The following SOX6 variants were observed in gnomAD, a reference collection of about 807,000 sequenced individuals.
The protein encoded by SOX6 is SRY-box transcription factor 6, also known as transcription factor SOX-6.
A neutral mutation model predicts 97.8 loss-of-function variants in SOX6; 11 were observed. The observed-to-expected ratio is 0.11, with a 90% CI of 0.07 to 0.19. The LOEUF (loss-of-function observed/expected upper bound fraction) is 0.19, where lower values mean the gene tolerates loss of function less well. SOX6 is among the 10% of genes least tolerant of loss of function. SOX6 has a pLI of 1.00. For synonymous variants in SOX6, 360 were observed against 371.4 expected (o/e 0.97, Z 0.35); for missense variants, 810 against 1,039.5 (o/e 0.78, Z 3.04).
At chr11:16,652,643 C>T (rs1381919288) in intron 3 of SOX6, among the ~76,000 whole-genome samples, 2 of 152,116 alleles carry the variant, frequency 1.3e-5, no homozygotes, top group East Asian at 1.9e-4. Context: ...AATCTAAGAC[C>T]TGAAACCCTA....
At chr11:16,415,333 A>C (rs1858904945) in intron 1 of SOX6, among the ~76,000 whole-genome samples, 1 of 152,030 alleles carries the variant, frequency 6.6e-6, no homozygotes, top group Non-Finnish European at 1.5e-5. Flanking sequence ...TGCTTAAAAA[A>C]AAAAAGCTGA....
intron 4 of SOX6, among the ~76,000 whole-genome samples, chr11:16,513,973 G>A (rs1590229088): frequency 6.6e-6 from 1 of 152,082 alleles, no homozygotes; most frequent in African/African-American, 2.4e-5. Flanking sequence ...CACTTTGGGA[G>A]GCCAATGCGG....
intron 4 of SOX6, among the ~76,000 whole-genome samples, chr11:16,525,156 A>C (rs529431536): frequency 4.7e-4 from 71 of 152,322 alleles, no homozygotes; most frequent in African/African-American, 1.6e-3. Context: ...GGAACCAAAA[A>C]AGAGCCCGCA....
chr11:16,394,264 T>C (rs1194999082), intron 1 of SOX6, among the ~76,000 whole-genome samples: 1 of 151,920 alleles, frequency 6.6e-6, no homozygotes, highest in Admixed American at 6.6e-5. Flanking sequence ...TATAAGATAA[T>C]ACATGAAAAA....
At chr11:16,383,963 C>A (rs1857903041) in intron 1 of SOX6, among the ~76,000 whole-genome samples, 1 of 151,836 alleles carries the variant, frequency 6.6e-6, no homozygotes, top group African/African-American at 2.4e-5. Context: ...AATTTGGAGA[C>A]CACTCAATGT....
At chr11:16,400,413 T>C (rs912282287) in intron 1 of SOX6, among the ~76,000 whole-genome samples, 2 of 151,450 alleles carry the variant, frequency 1.3e-5, no homozygotes, top group Non-Finnish European at 3.0e-5. Flanking sequence ...ATGGGAGTTA[T>C]TTTTCACCCA....
At chr11:16,543,349 G>A (rs181587996) in intron 4 of SOX6, among the ~76,000 whole-genome samples, 1 of 151,906 alleles carries the variant, frequency 6.6e-6, no homozygotes, top group African/African-American at 2.4e-5. Flanking sequence ...AATAATATGA[G>A]CTTCTATTGA....
At chr11:16,436,861 T>C (rs759556029) in intron 1 of SOX6, among the ~76,000 whole-genome samples, 1 of 152,136 alleles carries the variant, frequency 6.6e-6, no homozygotes, top group Non-Finnish European at 1.5e-5. Flanking sequence ...ATGTAGCCAC[T>C]CCACTGTGTT....
intron 4 of SOX6, among the ~76,000 whole-genome samples, chr11:16,492,001 A>G (rs1289327341): frequency 1.3e-5 from 2 of 152,182 alleles, no homozygotes; most frequent in South Asian, 2.1e-4. Flanking sequence ...GAAATTACCC[A>G]TATCTTTCAT....
chr11:16,052,268 T>C (rs935956671), intron 10 of SOX6, among the ~76,000 whole-genome samples: 1 of 152,148 alleles, frequency 6.6e-6, no homozygotes, highest in South Asian at 2.1e-4. Context: ...CCTCACAGCC[T>C]GCCCTGGCCT....
chr11:16,581,164 C>T (rs1170443975), intron 4 of SOX6, among the ~76,000 whole-genome samples: 2 of 152,060 alleles, frequency 1.3e-5, no homozygotes, highest in Non-Finnish European at 2.9e-5. Context: ...TATTACAGCA[C>T]TATTTATAAT....
At chr11:16,342,544 G>A (rs1442890641) in intron 1 of SOX6, among the ~76,000 whole-genome samples, 1 of 151,850 alleles carries the variant, frequency 6.6e-6, no homozygotes, top group Non-Finnish European at 1.5e-5. Flanking sequence ...TGATTAAAGG[G>A]TCTAGAAATC....
chr11:16,725,319 T>G (rs1848298714), intron 2 of SOX6, among the ~76,000 whole-genome samples: 1 of 151,780 alleles, frequency 6.6e-6, no homozygotes, highest in South Asian at 2.1e-4. Flanking sequence ...AACCCAGGAG[T>G]TAGACACCGG....
At chr11:16,527,545 A>ATGTGACT (rs1437401334) in intron 4 of SOX6, among the ~76,000 whole-genome samples, 2 of 152,122 alleles carry the variant, frequency 1.3e-5, no homozygotes, top group Non-Finnish European at 2.9e-5. Context: ...ACCCTTTGCC[A>ATGTGACT]TGTGACTTCT....
chr11:16,186,229 G>A (rs996828324), intron 5 of SOX6, among the ~76,000 whole-genome samples: 2 of 152,126 alleles, frequency 1.3e-5, no homozygotes, highest in African/African-American at 4.8e-5. Context: ...ACCATGTGAT[G>A]TATCATCCAA....
chr11:16,461,803 T>G (rs1475561190), intron 1 of SOX6, among the ~76,000 whole-genome samples: 7 of 152,196 alleles, frequency 4.6e-5, no homozygotes, highest in Non-Finnish European at 8.8e-5. Flanking sequence ...CTTCTGTGTA[T>G]CTCCTCTGCA....
intron 1 of SOX6, among the ~76,000 whole-genome samples, chr11:16,406,120 C>T (rs953780251): frequency 2.6e-5 from 4 of 152,060 alleles, no homozygotes; most frequent in African/African-American, 4.8e-5. Context: ...TCTAGAATTC[C>T]GCACAGAGGA....
intron 1 of SOX6, among the ~76,000 whole-genome samples, chr11:16,350,021 T>C (rs1856895894): frequency 6.6e-6 from 1 of 152,110 alleles, no homozygotes; most frequent in South Asian, 2.1e-4. Flanking sequence ...AACACAAAAA[T>C]AGACCAGTTT....
At chr11:16,480,355 T>C (rs1860322854), upstream of SOX6, among the ~76,000 whole-genome samples, 1 of 152,128 alleles carries the variant, frequency 6.6e-6, no homozygotes, top group Non-Finnish European at 1.5e-5. Flanking sequence ...AGATCTAGGA[T>C]AACTTGCTAT....
Sources: gnomAD v4.1 joint callset for allele counts (sites outside exome capture counted in the v4.1 genomes callset) on GRCh38, gnomAD v4.1.1 for gene constraint, MANE v1.5 for transcripts, NCBI Gene and HGNC (gene_info 2026-07-23, HGNC 2026-07-21) for gene names.